GRM5: variants seen among roughly 807,000 people sequenced by gnomAD.
The protein encoded by GRM5 is metabotropic glutamate receptor 5.
Under a neutral mutation model 83.1 loss-of-function variants are expected in GRM5, and 19 were observed. That is an observed-to-expected ratio of 0.23 (90% CI 0.16 to 0.34). The LOEUF (loss-of-function observed/expected upper bound fraction) is 0.34, where lower values mean the gene tolerates loss of function less well. Ranked by LOEUF, GRM5 falls within the 10% of genes least tolerant of loss-of-function variation. The probability of loss-of-function intolerance (pLI) is 1.00; values close to 1 mark genes in which losing one functional copy is unlikely to be tolerated. For synonymous variants in GRM5, 675 were observed against 633.6 expected (o/e 1.07, Z -0.98); for missense variants, 1,160 against 1,588.3 (o/e 0.73, Z 4.58).
At chr11:88,949,850 C>A (rs1182444896) in intron 2 of GRM5, among the ~76,000 whole-genome samples, 2 of 151,978 alleles carry the variant, frequency 1.3e-5, no homozygotes, top group Admixed American at 1.3e-4. Flanking sequence ...ATATATACAT[C>A]AATGTAATCA....
chr11:88,985,709 T>C (rs1374298309), intron 2 of GRM5, among the ~76,000 whole-genome samples: 2 of 152,174 alleles, frequency 1.3e-5, no homozygotes, highest in Non-Finnish European at 2.9e-5. Context: ...GTCAGTATTA[T>C]TATCATAGCA....
At chr11:88,827,776 G>C (rs1362419397) in intron 3 of GRM5, among the ~76,000 whole-genome samples, 1 of 152,178 alleles carries the variant, frequency 6.6e-6, no homozygotes, top group Non-Finnish European at 1.5e-5. Context: ...ACATAGGATA[G>C]AGCAGTAAAC....
chr11:88,776,007 G>C (rs914926051), intron 3 of GRM5, among the ~76,000 whole-genome samples: 14 of 152,096 alleles, frequency 9.2e-5, no homozygotes, highest in African/African-American at 3.1e-4. Context: ...TTAACCTTCT[G>C]TCTTGTTGAT....
chr11:89,055,785 C>G (rs1305309697), intron 1 of GRM5, among the ~76,000 whole-genome samples: 1 of 151,778 alleles, frequency 6.6e-6, no homozygotes, highest in Admixed American at 6.6e-5. Context: ...ATGATGGGGA[C>G]AATTATAACA....
At chr11:88,839,408 A>G (rs1445971610) in intron 3 of GRM5, among the ~76,000 whole-genome samples, 5 of 152,232 alleles carry the variant, frequency 3.3e-5, no homozygotes, top group Non-Finnish European at 7.4e-5. Flanking sequence ...ATGGATAGGT[A>G]GCTTTTAGGA....
chr11:88,869,984 T>C (rs546409453), intron 2 of GRM5, among the ~76,000 whole-genome samples: 1 of 151,676 alleles, frequency 6.6e-6, no homozygotes, highest in Non-Finnish European at 1.5e-5. Flanking sequence ...TAGCATCCTG[T>C]CTTTCTAATA....
Position 88,945,970 on chromosome 11 carries a change from A to G in GRM5, c.662-95815T>C, listed in dbSNP as rs199692925. 3.9e-4 allele frequency among the ~76,000 whole-genome samples: 60 copies of G among 152,222 alleles called. No homozygotes were observed. In the East Asian group the frequency reaches 0.011, roughly 28 times the overall value. ...AGACAGCCTGTCAGAATGGAAGAAA[A>G]TATCTACAAACTATGCATCTGACAA... is the stretch of plus-strand genomic sequence containing the variant. On this transcript the variant is annotated intron_variant, in intron 2 of 9. Coordinates refer to ENST00000305447, the MANE Select transcript of GRM5 (RefSeq NM_001143831.3).
Position 89,028,524 on chromosome 11 carries a change from A to G in GRM5, c.661+18688T>C, listed in dbSNP as rs556317989. Among the ~76,000 whole-genome samples the G allele has an allele frequency of 2.0e-5, 3 of 152,322 alleles. No homozygotes were observed. In the East Asian group the frequency reaches 5.8e-4, roughly 29 times the overall value. On this transcript the variant is annotated intron_variant, in intron 2 of 9. Transcript: ENST00000305447. ...GACAGGAAGATCACTTGAGCCTGAGAGGTCGAGGCTGCTGTGAGCCATGAT... is the reference window on the plus strand; with the variant it reads ...GACAGGAAGATCACTTGAGCCTGAGGGGTCGAGGCTGCTGTGAGCCATGAT...
chr11:88,978,474 TAAAAAAAAAAAA>T (rs200343438), intron 2 of GRM5, among the ~76,000 whole-genome samples: 70 of 97,962 alleles, frequency 7.1e-4, no homozygotes, highest in African/African-American at 1.8e-3. Context: ...CAGATGAGCT[TAAAAAAAAAAAA>T]AAAAAAAAAA....
At chr11:88,913,016 C>A (rs538686910) in intron 2 of GRM5, among the ~76,000 whole-genome samples, 8 of 152,282 alleles carry the variant, frequency 5.3e-5, no homozygotes, top group Admixed American at 2.0e-4. Flanking sequence ...AACTTTTGAA[C>A]AAATGCTCCC....
chr11:88,655,354 G>T (rs777302178), intron 3 of GRM5, among the ~76,000 whole-genome samples: 1 of 151,936 alleles, frequency 6.6e-6, no homozygotes, highest in Non-Finnish European at 1.5e-5. Flanking sequence ...CACTCGAGGA[G>T]CAGCATGGGC....
intron 8 of GRM5, among the ~76,000 whole-genome samples, chr11:88,534,681 T>C (rs115990898): frequency 0.012 from 1,884 of 152,316 alleles, 40 homozygotes; most frequent in African/African-American, 0.043. Flanking sequence ...TTTAGGGGAC[T>C]GTCAGGAAGG....
intron 3 of GRM5, among the ~76,000 whole-genome samples, chr11:88,803,897 AAAG>A (rs1221429590): frequency 6.6e-6 from 1 of 152,226 alleles, no homozygotes; most frequent in Non-Finnish European, 1.5e-5. Context: ...ATACTTCTCA[AAAG>A]AAGACATTTA....
chr11:88,596,885 T>C (rs539738436), intron 6 of GRM5, among the ~76,000 whole-genome samples: 1 of 152,172 alleles, frequency 6.6e-6, no homozygotes, highest in East Asian at 1.9e-4. Context: ...ATTAAATAAA[T>C]TAGAATTAGT....
At chr11:88,887,407 G>A (rs993660900) in intron 2 of GRM5, among the ~76,000 whole-genome samples, 2 of 149,528 alleles carry the variant, frequency 1.3e-5, no homozygotes, top group Admixed American at 6.7e-5. Flanking sequence ...CTATTATGTA[G>A]TTTTTTTTTT....
rs755808307 is a variant in GRM5 at position 88,567,928 on chromosome 11, C to T, written c.1755G>A (p.Val585=). 6.2e-7 allele frequency: 1 copy of T among 1,614,028 alleles called. No individual in the cohort carries two copies. Among genetic ancestry groups the T allele is most frequent in the South Asian group, 1.1e-5 (1 of 91,084 alleles). Residue 585 remains valine, a synonymous_variant, in exon 8 of 10, where the codon GTG becomes GTA. Transcript: ENST00000305447. The surrounding 1 kb of genome is among the most constrained non-coding windows in gnomAD (Gnocchi z 7.3). ...TGGCCAGGAGGCCAAGGCAGGCAAA[C>T]ACCACAGCTGCAATGGGTTCAGGGT... ...WGDPEPIAAV[V]FACLGLLATL... is the part of the protein sequence containing the mutation.
intron 3 of GRM5, among the ~76,000 whole-genome samples, chr11:88,760,906 T>C (rs80039671): frequency 6.6e-6 from 1 of 152,010 alleles, no homozygotes; most frequent in African/African-American, 2.4e-5. Context: ...GTTCAAGGGA[T>C]GCAAACCAAT....
chr11:89,030,809 A>C (rs940909215), intron 2 of GRM5, among the ~76,000 whole-genome samples: 13 of 152,052 alleles, frequency 8.5e-5, no homozygotes, highest in African/African-American at 2.7e-4. Context: ...TATTGGTAAA[A>C]TATTCTAATA....
chr11:88,694,305 C>A (rs752380829), intron 3 of GRM5, among the ~76,000 whole-genome samples: 1 of 152,226 alleles, frequency 6.6e-6, no homozygotes, highest in East Asian at 1.9e-4. Context: ...CTTTTACACA[C>A]CGTTAGGTCT....
Sources: gnomAD v4.1 joint callset for allele counts (sites outside exome capture counted in the v4.1 genomes callset) on GRCh38, gnomAD v4.1.1 for gene constraint, Gnocchi (gnomAD v3.1) non-coding constraint, MANE v1.5 for transcripts, NCBI Gene and HGNC (gene_info 2026-07-23, HGNC 2026-07-21) for gene names.